XKR6: variants seen among roughly 807,000 people sequenced by gnomAD.
XKR6 encodes the protein XK related 6, also known as XK-related protein 6.
A neutral mutation model predicts 56.7 loss-of-function variants in XKR6; 22 were observed. The ratio of observed to expected loss-of-function variants is 0.39; its 90% CI spans 0.28 to 0.55. XKR6 has a LOEUF of 0.55. Ranked by LOEUF, XKR6 falls within the 20% of genes least tolerant of loss-of-function variation. The probability of loss-of-function intolerance (pLI) is 0.66; values close to 1 mark genes in which losing one functional copy is unlikely to be tolerated. For synonymous variants in XKR6, 524 were observed against 387.8 expected (o/e 1.35, Z -4.13); for missense variants, 852 against 889.0 (o/e 0.96, Z 0.53).
rs1228314603 is a variant in XKR6, at chr8:11,038,495, TTTTGTGTGTG to T, written c.765-113675_765-113666del. Among the ~76,000 whole-genome samples the T allele has an allele frequency of 3.9e-4, 52 of 133,334 alleles. 1 individual carries two copies. The highest frequency in any genetic ancestry group is 1.4e-3 in the African/African-American group (51 of 35,462). 87.5% of individuals were successfully genotyped at this position (133,334 alleles called of 152,430 possible). ...GGACTCAGATAAGTAATTGTAGTCA[TTTTGTGTGTG>T]TGTGTGTGTGTGTGTGTGTGTGTGT... On this transcript the variant is annotated intron_variant, in intron 1 of 2. Coordinates refer to ENST00000416569, the MANE Select transcript of XKR6 (RefSeq NM_173683.4).
At chr8:11,098,188 A>G (rs1241314064) in intron 1 of XKR6, among the ~76,000 whole-genome samples, 1 of 151,962 alleles carries the variant, frequency 6.6e-6, no homozygotes, top group East Asian at 1.9e-4. Flanking sequence ...TCTGCAATTG[A>G]ACTAGATCCC....
intron 1 of XKR6, among the ~76,000 whole-genome samples, chr8:11,092,937 G>A (rs1234659421): frequency 3.3e-5 from 5 of 152,226 alleles, no homozygotes; most frequent in Non-Finnish European, 1.5e-5. Flanking sequence ...GACCCCCGCT[G>A]AGGGCCTCCT....
chr8:11,078,284 T>A (rs1166734258), intron 1 of XKR6, among the ~76,000 whole-genome samples: 6 of 152,194 alleles, frequency 3.9e-5, no homozygotes, highest in Non-Finnish European at 8.8e-5. Context: ...CAACTTCAAT[T>A]GGCACCATGA....
intron 1 of XKR6, among the ~76,000 whole-genome samples, chr8:11,197,412 C>G (rs1302324901): frequency 1.9e-4 from 29 of 152,158 alleles, no homozygotes; most frequent in Admixed American, 1.9e-3. Flanking sequence ...ATGCAACAGG[C>G]AAACTAAATC....
chr8:11,180,423 G>A (rs886247965), intron 1 of XKR6, among the ~76,000 whole-genome samples: 4 of 152,174 alleles, frequency 2.6e-5, no homozygotes, highest in Admixed American at 2.0e-4. Flanking sequence ...TATCACCCTT[G>A]GCCTCTACCA....
intron 1 of XKR6, among the ~76,000 whole-genome samples, chr8:11,094,685 G>A (rs936805428): frequency 6.6e-6 from 1 of 152,068 alleles, no homozygotes; most frequent in African/African-American, 2.4e-5. Flanking sequence ...CAGACACTAG[G>A]CAGATGACCA....
intron 1 of XKR6, among the ~76,000 whole-genome samples, chr8:10,948,372 TGA>T (rs1436434153): frequency 6.6e-6 from 1 of 152,214 alleles, no homozygotes; most frequent in East Asian, 1.9e-4. Flanking sequence ...CTGTGTGTGC[TGA>T]GACTTAGGCT....
intron 1 of XKR6, among the ~76,000 whole-genome samples, chr8:11,163,869 C>G (rs543710966): frequency 1.8e-4 from 28 of 152,280 alleles, no homozygotes; most frequent in Admixed American, 3.3e-4. Context: ...TAACTTTGTT[C>G]TAAATCTTCT....
intron 1 of XKR6, among the ~76,000 whole-genome samples, chr8:10,928,836 G>A (rs1800976344): frequency 6.6e-6 from 1 of 152,186 alleles, no homozygotes. Flanking sequence ...CTCCAGGAAG[G>A]TATCTCTTGG....
chr8:11,035,863 A>C (rs571434603), intron 1 of XKR6, among the ~76,000 whole-genome samples: 1 of 151,244 alleles, frequency 6.6e-6, no homozygotes, highest in Admixed American at 6.6e-5. Context: ...GTCTGATTCT[A>C]CCTACATCTA....
At chr8:10,931,946 C>CAGACAAAGAACTTGTAGCTAGAAT (rs1185293967) in intron 1 of XKR6, among the ~76,000 whole-genome samples, 4 of 151,984 alleles carry the variant, frequency 2.6e-5, no homozygotes, top group African/African-American at 4.8e-5. Flanking sequence ...AATCACATAT[C>CAGACAAAGAACTTGTAGCTAGAAT]AGACAAAGAA....
chr8:11,193,915 A>G (rs1216403214), intron 1 of XKR6, among the ~76,000 whole-genome samples: 1 of 152,210 alleles, frequency 6.6e-6, no homozygotes, highest in African/African-American at 2.4e-5. Flanking sequence ...CTGAAATTGC[A>G]AATTCACAAA....
chr8:11,158,170 AT>A (rs1328576938), intron 1 of XKR6, among the ~76,000 whole-genome samples: 2 of 152,188 alleles, frequency 1.3e-5, no homozygotes, highest in African/African-American at 4.8e-5. Context: ...AAAGGCAATA[AT>A]CAATCGTCAG....
intron 2 of XKR6, among the ~76,000 whole-genome samples, chr8:10,922,955 A>G (rs1800765186): frequency 6.6e-6 from 1 of 152,166 alleles, no homozygotes; most frequent in South Asian, 2.1e-4. Context: ...ACGGTTGCTC[A>G]TCCTGTAGGC....
At position 11,201,325 on chromosome 8, in the gene XKR6, G is replaced by C. The variant is rs201232426; in HGVS notation, c.15C>G (p.Ser5=). ...AGCCCACCCCCACGCCACCGCCATCGGATTTCGCCGCCATCTTGACTCTCT... is the reference window on the plus strand; with the variant it reads ...AGCCCACCCCCACGCCACCGCCATCCGATTTCGCCGCCATCTTGACTCTCT... The part of the protein sequence containing the change: MAAK[S]DGGGVGVGFA... Residue 5 remains serine, a synonymous_variant, in exon 1 of 3, where the codon TCC becomes TCG. Transcript: ENST00000416569. 1.3e-6 allele frequency: 2 copies of C among 1,550,618 alleles called. No homozygotes were observed. Among genetic ancestry groups the C allele is most frequent in the Admixed American group, 3.5e-5 (2 of 56,928 alleles).
At chr8:11,110,513 C>CT (rs1393068201) in intron 1 of XKR6, among the ~76,000 whole-genome samples, 1 of 152,200 alleles carries the variant, frequency 6.6e-6, no homozygotes, top group Admixed American at 6.5e-5. Context: ...CACTGAGCTT[C>CT]TACTCAGTCT....
At chr8:11,132,405 C>A (rs1800149699) in intron 1 of XKR6, among the ~76,000 whole-genome samples, 1 of 151,912 alleles carries the variant, frequency 6.6e-6, no homozygotes, top group African/African-American at 2.4e-5. Context: ...GTCACCCAGG[C>A]TGGAGTGTGG....
intron 1 of XKR6, chr8:11,137,898 T>G (rs992853332): frequency 1.1e-5 from 4 of 356,824 alleles, no homozygotes; most frequent in Non-Finnish European, 2.2e-5. Flanking sequence ...GAATAAGACT[T>G]AGGTCCAAAA....
At chr8:10,944,879 GGCTCAGGGT>G (rs1801490105) in intron 1 of XKR6, among the ~76,000 whole-genome samples, 1 of 152,118 alleles carries the variant, frequency 6.6e-6, no homozygotes, top group South Asian at 2.1e-4. Flanking sequence ...AATGGTGGTG[GGCTCAGGGT>G]GCGTGTCTGA....
Sources: gnomAD v4.1 joint callset for allele counts (sites outside exome capture counted in the v4.1 genomes callset) on GRCh38, gnomAD v4.1.1 for gene constraint, MANE v1.5 for transcripts, NCBI Gene and HGNC (gene_info 2026-07-23, HGNC 2026-07-21) for gene names.